PPM1H: variants seen among roughly 807,000 people sequenced by gnomAD.
PPM1H encodes protein phosphatase 1H.
A neutral mutation model predicts 54.9 loss-of-function variants in PPM1H; 27 were observed. The observed-to-expected ratio is 0.49, with a 90% CI of 0.36 to 0.68. The LOEUF (loss-of-function observed/expected upper bound fraction) is 0.68, where lower values mean the gene tolerates loss of function less well. PPM1H is among the 30% of genes least tolerant of loss of function. The pLI, the probability that PPM1H is intolerant of heterozygous loss-of-function variation, is 0.00. For synonymous variants in PPM1H, 305 were observed against 270.8 expected (o/e 1.13, Z -1.24); for missense variants, 596 against 667.8 (o/e 0.89, Z 1.19).
chr12:62,701,204 C>T (rs2076141947), intron 6 of PPM1H, among the ~76,000 whole-genome samples: 1 of 152,212 alleles, frequency 6.6e-6, no homozygotes, highest in African/African-American at 2.4e-5. Context: ...AGCAAAGAGT[C>T]TCCTTGTTCG....
chr12:62,880,331 G>A (rs916698700), intron 1 of PPM1H, among the ~76,000 whole-genome samples: 12 of 152,148 alleles, frequency 7.9e-5, no homozygotes, highest in African/African-American at 2.4e-4. Context: ...AGGGTATTAG[G>A]TGCCCTCTTC....
chr12:62,859,614 C>T (rs1339635375), intron 1 of PPM1H, among the ~76,000 whole-genome samples: 2 of 152,184 alleles, frequency 1.3e-5, no homozygotes, highest in African/African-American at 4.8e-5. Context: ...ATTTATACTG[C>T]TTATTGTCTT....
chr12:62,925,606 G>A (rs2121179080), intron 1 of PPM1H, among the ~76,000 whole-genome samples: 1 of 152,278 alleles, frequency 6.6e-6, no homozygotes, highest in South Asian at 2.1e-4. Context: ...AAACAACAAT[G>A]AGCAGAGCTC....
At chr12:62,739,762 A>T (rs572315386) in intron 4 of PPM1H, among the ~76,000 whole-genome samples, 1 of 152,368 alleles carries the variant, frequency 6.6e-6, no homozygotes, top group South Asian at 2.1e-4. Context: ...AGCAGATGAA[A>T]GAACTTAGAA....
intron 1 of PPM1H, among the ~76,000 whole-genome samples, chr12:62,908,730 C>G (rs1175672861): frequency 6.6e-6 from 1 of 152,226 alleles, no homozygotes; most frequent in African/African-American, 2.4e-5. Flanking sequence ...AAAAGAGATG[C>G]AGACCACACC....
chr12:62,732,442 T>C (rs1169969896), intron 5 of PPM1H, among the ~76,000 whole-genome samples: 1 of 152,204 alleles, frequency 6.6e-6, no homozygotes, highest in East Asian at 1.9e-4. Flanking sequence ...ATGGTTCATG[T>C]AGAAAGGACT....
At chr12:62,870,162 G>T (rs1392791508) in intron 1 of PPM1H, among the ~76,000 whole-genome samples, 1 of 152,168 alleles carries the variant, frequency 6.6e-6, no homozygotes, top group Admixed American at 6.5e-5. Context: ...ATATGGGGAG[G>T]TATTGTGGGA....
At chr12:62,696,126 G>A (rs1482819368) in intron 6 of PPM1H, among the ~76,000 whole-genome samples, 6 of 152,190 alleles carry the variant, frequency 3.9e-5, no homozygotes, top group Admixed American at 1.3e-4. Context: ...AATAGAGACA[G>A]GCGAAGAGCA....
intron 9 of PPM1H, among the ~76,000 whole-genome samples, chr12:62,665,053 TTC>T (rs1479964389): frequency 6.6e-6 from 1 of 152,066 alleles, no homozygotes; most frequent in African/African-American, 2.4e-5. Context: ...TTCAGTTTCT[TTC>T]TCTTTTTTTT....
chr12:62,689,106 G>A (rs2076070028), intron 8 of PPM1H, among the ~76,000 whole-genome samples: 1 of 152,176 alleles, frequency 6.6e-6, no homozygotes, highest in African/African-American at 2.4e-5. Flanking sequence ...ACTTCTGGTT[G>A]GGCAAGGAAG....
chr12:62,801,786 C>T (rs754359303), intron 3 of PPM1H, 30 bp downstream of exon 3: 1 of 1,610,544 alleles, frequency 6.2e-7, no homozygotes, highest in South Asian at 1.1e-5. Context: ...CAGCCTGGCC[C>T]TGCTGCCCCA....
chr12:62,740,990 G>A (rs569642133), intron 4 of PPM1H, among the ~76,000 whole-genome samples: 1 of 152,146 alleles, frequency 6.6e-6, no homozygotes, highest in East Asian at 1.9e-4. Context: ...GTTGTGCTCG[G>A]CCTGGAACAG....
chr12:62,663,929 T>G (rs2075901412), intron 9 of PPM1H, among the ~76,000 whole-genome samples: 1 of 151,286 alleles, frequency 6.6e-6, no homozygotes, highest in South Asian at 2.1e-4. Flanking sequence ...AGGCGGAGGT[T>G]GCGGTGAGCT....
At chr12:62,805,600 A>G (rs552583009) in intron 2 of PPM1H, among the ~76,000 whole-genome samples, 12 of 152,364 alleles carry the variant, frequency 7.9e-5, no homozygotes, top group African/African-American at 2.2e-4. Context: ...AACCAGACAC[A>G]GAAAGACAAA....
rs144986346 is a variant in PPM1H, at chr12:62,866,797, T to C, written c.246-34518A>G. On this transcript the variant is annotated intron_variant, in intron 1 of 9. Coordinates refer to ENST00000228705, the MANE Select transcript of PPM1H (RefSeq NM_020700.2). ...TTAGGCCACTGAGACTGGGATAACC[T>C]GTACAGCAATAGATAACTAGTACAG... Among the ~76,000 whole-genome samples the C allele has an allele frequency of 1.2e-4, 18 of 152,180 alleles. No individual in the cohort carries two copies. In the East Asian group the frequency reaches 2.9e-3, roughly 24 times the overall value.
rs898526559 is a variant in PPM1H, at chr12:62,844,965, C to T, written c.246-12686G>A. On this transcript the variant is annotated intron_variant, in intron 1 of 9. Coordinates refer to ENST00000228705, the MANE Select transcript of PPM1H (RefSeq NM_020700.2). The surrounding 1 kb of genome is among the most constrained non-coding windows in gnomAD (Gnocchi z 5.2). Reference sequence around the variant, plus strand: ...AGGATATGTTAAAGTGACCCCTAAACATTCTCCAGCAAAGAAGTAGCTGAT... The same window carrying T: ...AGGATATGTTAAAGTGACCCCTAAATATTCTCCAGCAAAGAAGTAGCTGAT... 3.3e-5 allele frequency among the ~76,000 whole-genome samples: 5 copies of T among 152,204 alleles called. No homozygotes were observed. Among genetic ancestry groups the T allele is most frequent in the Admixed American group, 3.3e-4 (5 of 15,282 alleles).
At chr12:62,813,169 G>A (rs550068374) in intron 2 of PPM1H, among the ~76,000 whole-genome samples, 23 of 152,272 alleles carry the variant, frequency 1.5e-4, no homozygotes, top group African/African-American at 4.3e-4. Flanking sequence ...ATACCCAGAT[G>A]TAGGAGAGGA....
chr12:62,877,135 T>C (rs1467128616), intron 1 of PPM1H, among the ~76,000 whole-genome samples: 1 of 152,178 alleles, frequency 6.6e-6, no homozygotes, highest in African/African-American at 2.4e-5. Flanking sequence ...CTATGCTCAG[T>C]CTGAGATAGC....
intron 2 of PPM1H, among the ~76,000 whole-genome samples, chr12:62,830,334 C>A (rs920822525): frequency 1.3e-5 from 2 of 152,166 alleles, no homozygotes; most frequent in African/African-American, 2.4e-5. Context: ...CAGCTCACTG[C>A]AAGCTCTGCC....
Sources: allele counts gnomAD v4.1 joint callset (sites outside exome capture counted in the v4.1 genomes callset), GRCh38; gene constraint gnomAD v4.1.1; non-coding constraint Gnocchi (gnomAD v3.1); transcripts MANE v1.5; gene names NCBI Gene and HGNC (gene_info 2026-07-23, HGNC 2026-07-21).